RPS6KA2: variants seen among roughly 807,000 people sequenced by gnomAD.
The protein encoded by RPS6KA2 is ribosomal protein S6 kinase alpha-2.
In RPS6KA2, 42 loss-of-function variants were observed where a neutral mutation model predicts 91.8. The observed-to-expected ratio is 0.46, with a 90% CI of 0.36 to 0.59. The LOEUF is 0.59. RPS6KA2 is among the 20% of genes least tolerant of loss of function. The pLI is 0.00. For missense variants in RPS6KA2, 798 were observed against 978.5 expected, an observed-to-expected ratio of 0.82 and a Z score of 2.46; for synonymous variants, 414 against 393.6, an observed-to-expected ratio of 1.05 and a Z score of -0.61.
intron 14 of RPS6KA2, among the ~76,000 whole-genome samples, chr6:166,447,699 TCA>T (rs1195212809): frequency 6.6e-6 from 1 of 152,220 alleles, no homozygotes; most frequent in Non-Finnish European, 1.5e-5. Context: ...AACAATCTCT[TCA>T]GAGTGTAGGA....
At position 166,412,715 on chromosome 6, in the gene RPS6KA2, GC is replaced by G. The variant is rs1778350581; in HGVS notation, c.*46del. ...CGGGCTCCGAGGCCGGGGTCTGTGAGCCCACGAGGATGCTGGCAGGGGACGC... is the reference window on the plus strand; with the variant it reads ...CGGGCTCCGAGGCCGGGGTCTGTGAGCCACGAGGATGCTGGCAGGGGACGC... On this transcript the variant is annotated 3_prime_UTR_variant, in exon 21 of 21. Coordinates refer to ENST00000265678, the MANE Select transcript of RPS6KA2 (RefSeq NM_021135.6). This position sits in a 1 kb window ranked among gnomAD's most constrained non-coding sequence, Gnocchi z 4.3. 1.3e-6 allele frequency: 2 copies of G among 1,542,706 alleles called. No homozygotes were observed. Among genetic ancestry groups the G allele is most frequent in the Non-Finnish European group, 1.7e-6 (2 of 1,144,138 alleles).
chr6:166,564,624 T>C (rs537396104), intron 1 of RPS6KA2, among the ~76,000 whole-genome samples: 2 of 152,252 alleles, frequency 1.3e-5, no homozygotes, highest in Non-Finnish European at 2.9e-5. Flanking sequence ...TATCTTGCAC[T>C]TGCTCTTTAA....
At chr6:166,730,414 G>A (rs1485628489) in intron 2 of RPS6KA2, among the ~76,000 whole-genome samples, 3 of 152,138 alleles carry the variant, frequency 2.0e-5, no homozygotes, top group Non-Finnish European at 4.4e-5. Context: ...GTTGTTAAAT[G>A]TTTTATAAAA....
rs1408525396 is a variant in RPS6KA2 at position 166,426,749 on chromosome 6, C to T, written c.1582-3332G>A. 1.2e-4 allele frequency among the ~76,000 whole-genome samples: 14 copies of T among 114,302 alleles called. No individual in the cohort carries two copies. The East Asian group carries it at 3.4e-3, about 28-fold the overall frequency. The allele number at this position is 114,302 out of a possible 152,430, so 75.0% of individuals were successfully genotyped here. A position where few individuals can be genotyped will look rare whatever the true frequency, so the allele number is the denominator to read the frequency against. On this transcript the variant is annotated intron_variant, in intron 16 of 20. Coordinates refer to ENST00000265678, the MANE Select transcript of RPS6KA2 (RefSeq NM_021135.6). ...CACATACACCCTCCCAAGACTAAAC[C>T]AGGAAGAAGTTGAATCTCTGAATAG...
At chr6:166,596,589 G>A (rs925111334) in intron 1 of RPS6KA2, among the ~76,000 whole-genome samples, 4 of 152,106 alleles carry the variant, frequency 2.6e-5, no homozygotes, top group African/African-American at 4.8e-5. Flanking sequence ...TCGGGCCTTC[G>A]CTCACAGACT....
chr6:166,830,057 C>T (rs1244399047), intron 2 of RPS6KA2, among the ~76,000 whole-genome samples: 2 of 146,904 alleles, frequency 1.4e-5, no homozygotes, highest in Non-Finnish European at 3.0e-5. Context: ...ACCTGGGAGG[C>T]GGAGATTGCA....
chr6:166,740,572 A>G (rs574657581), intron 2 of RPS6KA2, among the ~76,000 whole-genome samples: 3 of 152,356 alleles, frequency 2.0e-5, no homozygotes, highest in African/African-American at 7.2e-5. Context: ...AAAAAATTCA[A>G]AATAAAAGCA....
intron 2 of RPS6KA2, among the ~76,000 whole-genome samples, chr6:166,836,815 G>C (rs1780329112): frequency 6.6e-6 from 1 of 152,224 alleles, no homozygotes; most frequent in African/African-American, 2.4e-5. Context: ...TAGAGGAACA[G>C]CAAAGGCCGA....
At chr6:166,702,226 C>A in intron 2 of RPS6KA2, 2 of 1,611,544 alleles carry the variant, frequency 1.2e-6, no homozygotes, top group Non-Finnish European at 1.7e-6. Flanking sequence ...GGGTGGGAAC[C>A]AGCAGGCACA....
chr6:166,579,482 T>G (rs1784939961), intron 1 of RPS6KA2, among the ~76,000 whole-genome samples: 1 of 152,186 alleles, frequency 6.6e-6, no homozygotes, highest in Admixed American at 6.5e-5. Context: ...TTATTAAAGA[T>G]ACATTGTTAC....
intron 10 of RPS6KA2, among the ~76,000 whole-genome samples, chr6:166,477,911 A>G (rs1781036118): frequency 6.6e-6 from 1 of 152,226 alleles, no homozygotes; most frequent in Non-Finnish European, 1.5e-5. Flanking sequence ...CCCTGTTTAA[A>G]AAAGGAAAGG....
In RPS6KA2 at chr6:166,749,743, TTCCTCAGGCCCCCATC is replaced by T. The variant is rs200423100; in HGVS notation, c.123+108441_123+108456del. On this transcript the variant is annotated intron_variant, in intron 2 of 21. Coordinates refer to the RPS6KA2 transcript ENST00000503859. ...GGCCCCCCATCCCCTTGGGCCCCTC[TTCCTCAGGCCCCCATC>T]TCCTCAGGCCCCCATTTCCTCAGGT... 9.2e-3 allele frequency among the ~76,000 whole-genome samples: 601 copies of T among 65,134 alleles called. 9 individuals carry two copies. The highest frequency in any genetic ancestry group is 0.039 in the African/African-American group (509 of 13,152). 42.7% of individuals were successfully genotyped at this position (65,134 alleles called of 152,430 possible). A position where few individuals can be genotyped will look rare whatever the true frequency, so the allele number is the denominator to read the frequency against.
chr6:166,426,330 A>C (rs921695895), intron 16 of RPS6KA2, among the ~76,000 whole-genome samples: 3 of 137,468 alleles, frequency 2.2e-5, no homozygotes, highest in Non-Finnish European at 4.6e-5. Flanking sequence ...TATAGCACTA[A>C]ATGCCCACAA....
intron 11 of RPS6KA2, among the ~76,000 whole-genome samples, chr6:166,468,850 C>T (rs1399809485): frequency 3.5e-5 from 2 of 56,660 alleles, no homozygotes; most frequent in African/African-American, 1.5e-4. Flanking sequence ...GGCGACAGAG[C>T]GAGACTAAAA....
intron 2 of RPS6KA2, among the ~76,000 whole-genome samples, chr6:166,698,682 A>C (rs1789423287): frequency 1.3e-5 from 2 of 152,188 alleles, no homozygotes; most frequent in Admixed American, 1.3e-4. Flanking sequence ...ATATTGCAAT[A>C]GAGTAGTTAC....
intron 2 of RPS6KA2, among the ~76,000 whole-genome samples, chr6:166,537,036 A>AC (rs1783501315): frequency 6.6e-6 from 1 of 152,224 alleles, no homozygotes; most frequent in African/African-American, 2.4e-5. Flanking sequence ...CATCTTTAAT[A>AC]CCCCAGTTCT....
At position 166,498,595 on chromosome 6, in the gene RPS6KA2, G is replaced by A. The variant is rs140362913; in HGVS notation, c.660C>T (p.Cys220=). The change falls in exon 8 of 21, where the codon TGC becomes TGT. Residue 220 remains cysteine (C), a synonymous_variant. Coordinates refer to ENST00000265678, the MANE Select transcript of RPS6KA2 (RefSeq NM_021135.6). ...IDHDKRAYSF[C]GTIEYMAPEV... ...CGGGCGCCATGTACTCGATCGTCCCGCAGAAGGAGTACGCTCTCTTGTCGT... is the reference window on the plus strand; with the variant it reads ...CGGGCGCCATGTACTCGATCGTCCCACAGAAGGAGTACGCTCTCTTGTCGT... 33 of 1,613,652 alleles carry A rather than the reference G, an allele frequency of 2.0e-5. No individual in the cohort carries two copies. Among genetic ancestry groups the A allele is most frequent in the African/African-American group, 1.2e-4 (9 of 74,880 alleles).
intron 1 of RPS6KA2, among the ~76,000 whole-genome samples, chr6:166,560,734 T>C (rs3799620): frequency 0.49 from 74,354 of 151,902 alleles, 20,388 homozygotes; most frequent in African/African-American, 0.72. Flanking sequence ...AGGATGCAGG[T>C]GCAACGTGAC....
intron 12 of RPS6KA2, among the ~76,000 whole-genome samples, chr6:166,452,512 A>G (rs149168079): frequency 6.7e-4 from 102 of 152,352 alleles, no homozygotes; most frequent in Middle Eastern, 3.4e-3. Flanking sequence ...CTGAATAGCC[A>G]AAGCAATTTT....
Sources: allele counts gnomAD v4.1 joint callset (sites outside exome capture counted in the v4.1 genomes callset), GRCh38; gene constraint gnomAD v4.1.1; non-coding constraint Gnocchi (gnomAD v3.1); transcripts MANE v1.5; gene names NCBI Gene and HGNC (gene_info 2026-07-23, HGNC 2026-07-21).